The following DRC8 variants were observed in gnomAD, a reference collection of about 807,000 sequenced individuals.
DRC8 encodes the protein dynein regulatory complex subunit 8.
At chr1:245,020,818 C>T in the DRC8 span, among the ~76,000 whole-genome samples, 1 of 149,994 alleles carries the variant, frequency 6.7e-6, no homozygotes, top group Non-Finnish European at 1.5e-5. Flanking sequence ...TTAGTAGAGA[C>T]GGGGTTTCAC....
chr1:245,006,487 T>C, the DRC8 span, among the ~76,000 whole-genome samples: 4 of 152,060 alleles, frequency 2.6e-5, no homozygotes, highest in Non-Finnish European at 4.4e-5. Context: ...GTATTTTTAG[T>C]AGAGGTGGGG....
chr1:244,982,219 A>G, the DRC8 span, among the ~76,000 whole-genome samples: 30 of 152,228 alleles, frequency 2.0e-4, no homozygotes, highest in Admixed American at 1.9e-3. Flanking sequence ...GCTGATTACT[A>G]TCATGTCTGG....
the DRC8 span, among the ~76,000 whole-genome samples, chr1:245,064,114 G>T: frequency 6.6e-6 from 1 of 152,326 alleles, no homozygotes; most frequent in East Asian, 1.9e-4. Flanking sequence ...ATGCGAATCA[G>T]GTGTTAAGTG....
At chr1:245,036,131 T>C in the DRC8 span, among the ~76,000 whole-genome samples, 9 of 152,166 alleles carry the variant, frequency 5.9e-5, no homozygotes, top group Admixed American at 2.6e-4. Flanking sequence ...TATTTGCAAA[T>C]CATATATCTG....
chr1:244,970,846 G>A, the DRC8 span: 1 of 292,680 alleles, frequency 3.4e-6, no homozygotes, highest in South Asian at 6.2e-5. Flanking sequence ...CGCCGGCAGG[G>A]GGTGCTGATA....
the DRC8 span, among the ~76,000 whole-genome samples, chr1:245,080,913 C>T: frequency 6.6e-6 from 1 of 152,114 alleles, no homozygotes; most frequent in African/African-American, 2.4e-5. Flanking sequence ...CTTCTCCCTG[C>T]TCCTTGTACT....
chr1:244,974,394 C>T, the DRC8 span, among the ~76,000 whole-genome samples: 2 of 152,178 alleles, frequency 1.3e-5, no homozygotes, highest in African/African-American at 4.8e-5. Flanking sequence ...ATTAAAAGCT[C>T]ACTCTAGGAT....
chr1:245,093,815 G>A, the DRC8 span, among the ~76,000 whole-genome samples: 7 of 152,018 alleles, frequency 4.6e-5, no homozygotes, highest in African/African-American at 7.2e-5. Context: ...TATGAAAATC[G>A]GGCCATGGTT....
chr1:245,031,141 A>T, the DRC8 span, among the ~76,000 whole-genome samples: 15 of 151,780 alleles, frequency 9.9e-5, no homozygotes, highest in Admixed American at 9.8e-4. Flanking sequence ...CCATTCCAAC[A>T]CAGTTTCTAG....
chr1:245,006,323 T>G, the DRC8 span, among the ~76,000 whole-genome samples: 171 of 152,182 alleles, frequency 1.1e-3, no homozygotes, highest in Admixed American at 1.7e-3. Flanking sequence ...TTTATTTATT[T>G]ATTTTTGAGA....
the DRC8 span, among the ~76,000 whole-genome samples, chr1:245,061,329 C>A: frequency 2.0e-5 from 3 of 152,158 alleles, no homozygotes; most frequent in African/African-American, 4.8e-5. Flanking sequence ...GGATAATAAT[C>A]CCCACTGGTT....
the DRC8 span, among the ~76,000 whole-genome samples, chr1:245,119,180 G>A: frequency 6.6e-6 from 1 of 152,180 alleles, no homozygotes; most frequent in African/African-American, 2.4e-5. Context: ...GAAAAAAAGA[G>A]TGTGAACTCT....
the DRC8 span, among the ~76,000 whole-genome samples, chr1:244,979,017 TG>T: frequency 6.6e-6 from 1 of 152,178 alleles, no homozygotes; most frequent in Non-Finnish European, 1.5e-5. Context: ...GTATGATGAT[TG>T]GGTGCCTGGG....
the DRC8 span, among the ~76,000 whole-genome samples, chr1:245,068,241 A>G: frequency 6.6e-6 from 1 of 152,242 alleles, no homozygotes; most frequent in Non-Finnish European, 1.5e-5. Context: ...AATCACGGCA[A>G]TAGACTAATA....
chr1:245,120,406 T>A, the DRC8 span, among the ~76,000 whole-genome samples: 1 of 152,242 alleles, frequency 6.6e-6, no homozygotes, highest in African/African-American at 2.4e-5. Context: ...TGTGCCATAT[T>A]TTATTTAACC....
the DRC8 span, chr1:244,971,122 C>T: frequency 1.3e-5 from 2 of 152,414 alleles, no homozygotes; most frequent in South Asian, 2.0e-4. Context: ...AGGTCACAGC[C>T]GCTGCCTCCG....
the DRC8 span, among the ~76,000 whole-genome samples, chr1:245,089,581 A>G: frequency 3.3e-5 from 5 of 152,036 alleles, no homozygotes; most frequent in Non-Finnish European, 7.4e-5. This position sits in a 1 kb window ranked among gnomAD's most constrained non-coding sequence, Gnocchi z 4.8. Context: ...GACGGAAAAA[A>G]CGTCCATTGG....
At chr1:244,986,623 A>G in the DRC8 span, among the ~76,000 whole-genome samples, 1 of 152,032 alleles carries the variant, frequency 6.6e-6, no homozygotes, top group South Asian at 2.1e-4. Flanking sequence ...AGTCCCAGCT[A>G]CTTGGGAGGC....
the DRC8 span, among the ~76,000 whole-genome samples, chr1:245,088,047 G>T: frequency 6.6e-6 from 1 of 152,118 alleles, no homozygotes; most frequent in African/African-American, 2.4e-5. The surrounding 1 kb of genome is among the most constrained non-coding windows in gnomAD (Gnocchi z 4.6). Flanking sequence ...CACCCACTCC[G>T]CATATCTGTC....
Sources: gnomAD v4.1 joint callset for allele counts (sites outside exome capture counted in the v4.1 genomes callset) on GRCh38, gnomAD v4.1.1 for gene constraint, Gnocchi (gnomAD v3.1) non-coding constraint, MANE v1.5 for transcripts, NCBI Gene and HGNC (gene_info 2026-07-23, HGNC 2026-07-21) for gene names.